USP10: variants seen among roughly 807,000 people sequenced by gnomAD.
The protein encoded by USP10 is ubiquitin carboxyl-terminal hydrolase 10.
In USP10, 22 loss-of-function variants were observed where a neutral mutation model predicts 84.5. The ratio of observed to expected loss-of-function variants is 0.26; its 90% CI spans 0.19 to 0.37. USP10 has a LOEUF of 0.37. Ranked by LOEUF, USP10 falls within the 10% of genes least tolerant of loss-of-function variation. The pLI, the probability that USP10 is intolerant of heterozygous loss-of-function variation, is 1.00. For missense variants in USP10, 1,019 were observed against 998.9 expected, an observed-to-expected ratio of 1.02 and a Z score of -0.27; for synonymous variants, 454 against 387.6, an observed-to-expected ratio of 1.17 and a Z score of -2.01.
At chr16:84,712,538 G>C (rs115172212) in intron 1 of USP10, among the ~76,000 whole-genome samples, 1,637 of 152,334 alleles carry the variant, frequency 0.011, 26 homozygotes, top group African/African-American at 0.036. Flanking sequence ...CTGTTTTCAG[G>C]ACTGCTTATG....
intron 1 of USP10, among the ~76,000 whole-genome samples, chr16:84,705,592 CTCTT>C (rs148687496): frequency 0.021 from 3,248 of 152,144 alleles, 94 homozygotes; most frequent in South Asian, 0.13. Flanking sequence ...GTCCCTTTCC[CTCTT>C]TCTTTCTTCC....
chr16:84,776,322 G>GGGGTGAGGGCGCA (rs1555550741), intron 13 of USP10, among the ~76,000 whole-genome samples: 2 of 150,872 alleles, frequency 1.3e-5, no homozygotes, highest in African/African-American at 4.9e-5. Flanking sequence ...TGGGGGCCCA[G>GGGGTGAGGGCGCA]GGGTGAGGGC....
chr16:84,757,418 T>G (rs1026445071), intron 4 of USP10, among the ~76,000 whole-genome samples: 1 of 150,824 alleles, frequency 6.6e-6, no homozygotes, highest in South Asian at 2.1e-4. Context: ...TGTGTGTGTG[T>G]GTGTGTGTGT....
At chr16:84,754,985 C>G (rs1305602317) in intron 4 of USP10, among the ~76,000 whole-genome samples, 1 of 117,652 alleles carries the variant, frequency 8.5e-6, no homozygotes, top group Non-Finnish European at 1.8e-5. Context: ...TAGACTTTGT[C>G]CCAGAAAAAA....
chr16:84,734,624 C>T (rs1245442649), intron 2 of USP10, among the ~76,000 whole-genome samples: 2 of 152,152 alleles, frequency 1.3e-5, no homozygotes, highest in African/African-American at 2.4e-5. Flanking sequence ...AAGAGGAGTA[C>T]ACTTTCAACT....
At chr16:84,714,185 G>A (rs998586657) in intron 1 of USP10, among the ~76,000 whole-genome samples, 4 of 152,234 alleles carry the variant, frequency 2.6e-5, no homozygotes, top group Admixed American at 2.0e-4. Context: ...ACAGTGCCTA[G>A]AGGAGGGGCA....
chr16:84,756,903 G>A (rs1442724737), intron 4 of USP10, among the ~76,000 whole-genome samples: 2 of 152,182 alleles, frequency 1.3e-5, no homozygotes, highest in Non-Finnish European at 2.9e-5. Context: ...GGAAAAGTAA[G>A]TATCTGAAAC....
rs1259290451 is a variant in USP10, at chr16:84,732,168, A to G, written c.22-1267A>G. 1.3e-5 allele frequency among the ~76,000 whole-genome samples: 2 copies of G among 152,208 alleles called. 1 individual carries two copies. Among genetic ancestry groups the G allele is most frequent in the Admixed American group, 1.3e-4 (2 of 15,276 alleles). The stretch of plus-strand genomic sequence containing the variant: ...CAGGAGGGTATTACATTTAGTGGCC[A>G]TTTATTCACATTTACAATAATAATG... On this transcript the variant is annotated intron_variant, in intron 1 of 13. Transcript: ENST00000219473.
At chr16:84,733,346 C>A in intron 1 of USP10, 89 bp from the exon 2 acceptor site, 2 of 1,032,564 alleles carry the variant, frequency 1.9e-6, no homozygotes, top group Admixed American at 4.1e-5. Context: ...CCAAATGTTG[C>A]ATAGGATTGT....
At chr16:84,706,123 C>T (rs1380236333) in intron 1 of USP10, among the ~76,000 whole-genome samples, 1 of 152,118 alleles carries the variant, frequency 6.6e-6, no homozygotes, top group East Asian at 1.9e-4. Context: ...CTCAAGGGAT[C>T]CCTTCTGCTT....
intron 4 of USP10, among the ~76,000 whole-genome samples, chr16:84,757,064 C>G (rs1912627310): frequency 6.6e-6 from 1 of 152,148 alleles, no homozygotes; most frequent in Non-Finnish European, 1.5e-5. Flanking sequence ...GTAACTATCT[C>G]TGACAGTAGG....
chr16:84,739,854 A>T (rs34923260), intron 2 of USP10, among the ~76,000 whole-genome samples: 1 of 152,088 alleles, frequency 6.6e-6, no homozygotes, highest in Non-Finnish European at 1.5e-5. Context: ...CTCTCCGACC[A>T]TGGACCTGGT....
intron 4 of USP10, 60 bp downstream of exon 4, chr16:84,745,733 T>TTA: frequency 6.6e-7 from 1 of 1,507,588 alleles, no homozygotes; most frequent in Non-Finnish European, 9.0e-7. Flanking sequence ...TCAACTGGGC[T>TTA]TATAGACTGT....
At chr16:84,700,716 T>G (rs1261229534) in intron 1 of USP10, among the ~76,000 whole-genome samples, 1 of 152,196 alleles carries the variant, frequency 6.6e-6, no homozygotes, top group African/African-American at 2.4e-5. Flanking sequence ...GGACCGTACT[T>G]TCACTTGCGT....
At chr16:84,768,573 A>G (rs1323316688) in intron 11 of USP10, among the ~76,000 whole-genome samples, 1 of 152,236 alleles carries the variant, frequency 6.6e-6, no homozygotes, top group Non-Finnish European at 1.5e-5. Context: ...TACACAAGGT[A>G]ATGATCTCCT....
At chr16:84,773,663 T>G (rs969309965) in intron 12 of USP10, among the ~76,000 whole-genome samples, 1 of 152,180 alleles carries the variant, frequency 6.6e-6, no homozygotes, top group African/African-American at 2.4e-5. Flanking sequence ...GCCTTATCAC[T>G]CATCAGCCGA....
intron 9 of USP10, 111 bp downstream of exon 9, chr16:84,763,199 T>C: frequency 1.7e-6 from 1 of 580,148 alleles, no homozygotes; most frequent in Non-Finnish European, 3.1e-6. Context: ...TCCTTTCAAA[T>C]AGCATTTATT....
chr16:84,711,613 A>G (rs1369558547), intron 1 of USP10, among the ~76,000 whole-genome samples: 1 of 151,330 alleles, frequency 6.6e-6, no homozygotes, highest in Non-Finnish European at 1.5e-5. Context: ...GTTGCTTCTT[A>G]CCTCTTTGCT....
chr16:84,724,765 C>T (rs116277251), intron 1 of USP10, among the ~76,000 whole-genome samples: 5 of 152,298 alleles, frequency 3.3e-5, no homozygotes, highest in African/African-American at 7.2e-5. Context: ...CTCGTAGTCT[C>T]GCATAGTTGA....
Sources: allele counts gnomAD v4.1 joint callset (sites outside exome capture counted in the v4.1 genomes callset), GRCh38; gene constraint gnomAD v4.1.1; transcripts MANE v1.5; gene names NCBI Gene and HGNC (gene_info 2026-07-23, HGNC 2026-07-21).